GRIK3: variants seen among roughly 807,000 people sequenced by gnomAD.
GRIK3 encodes glutamate ionotropic receptor kainate type subunit 3, also known as glutamate receptor ionotropic, kainate 3.
GRIK3 carries 29 observed loss-of-function variants against 102.5 expected under a neutral mutation model. That is an observed-to-expected ratio of 0.28 (90% confidence interval 0.21 to 0.39). GRIK3 has a LOEUF of 0.39. Ranked by LOEUF, GRIK3 falls within the 10% of genes least tolerant of loss-of-function variation. The pLI, the probability that GRIK3 is intolerant of heterozygous loss-of-function variation, is 1.00. For synonymous variants in GRIK3, 511 were observed against 504.9 expected, an observed-to-expected ratio of 1.01 and a Z score of -0.16; for missense variants, 908 against 1,252.4, an observed-to-expected ratio of 0.73 and a Z score of 4.15.
intron 1 of GRIK3, among the ~76,000 whole-genome samples, chr1:36,899,885 A>T (rs771778034): frequency 2.4e-4 from 36 of 152,332 alleles, no homozygotes; most frequent in Admixed American, 1.8e-3. Context: ...TTTAATGTGT[A>T]TGTGCTCAAA....
intron 1 of GRIK3, among the ~76,000 whole-genome samples, chr1:37,025,933 G>A (rs867468808): frequency 4.6e-5 from 7 of 152,088 alleles, no homozygotes. Context: ...CATCATCTCC[G>A]ATCTGTATGA....
intron 13 of GRIK3, among the ~76,000 whole-genome samples, chr1:36,811,358 T>A (rs1642560430): frequency 6.6e-6 from 1 of 151,404 alleles, no homozygotes; most frequent in Non-Finnish European, 1.5e-5. Flanking sequence ...CTGGGGGGAG[T>A]CTGTAAACTG....
intron 15 of GRIK3, 111 bp downstream of exon 15, chr1:36,804,876 G>A (rs1382394890): frequency 6.0e-6 from 8 of 1,337,320 alleles, no homozygotes; most frequent in South Asian, 5.4e-5. Context: ...TGCAGGGTGA[G>A]CTGTTGTGAG....
In GRIK3 at chr1:36,801,077, T is replaced by G. The variant is rs1642434990; in HGVS notation, c.*774A>C. ...TTCAGGGGGTCCTCTCTCCTCTGGC[T>G]AGAAAGTGGAGAAGAATTTTCTGTG... On this transcript the variant is annotated 3_prime_UTR_variant, in exon 16 of 16. Transcript: ENST00000373091. 1 of 152,226 alleles carries G rather than the reference T, an allele frequency of 6.6e-6. No homozygotes were observed. Among genetic ancestry groups the G allele is most frequent in the Admixed American group, 6.5e-5 (1 of 15,284 alleles). 9.4% of individuals were successfully genotyped at this position (152,226 alleles called of 1,614,324 possible). A position where few individuals can be genotyped will look rare whatever the true frequency, so the allele number is the denominator to read the frequency against.
chr1:36,956,660 G>A (rs1641915834), intron 1 of GRIK3, among the ~76,000 whole-genome samples: 1 of 152,158 alleles, frequency 6.6e-6, no homozygotes. Context: ...AAGGTGAGGG[G>A]AGCACAGAAC....
rs1642096584 is a variant in GRIK3 at position 36,967,863 on chromosome 1, A to G, written c.115+66131T>C. On this transcript the variant is annotated intron_variant, in intron 1 of 15. Transcript: ENST00000373091. ...TGATAATTGAGATAACAGATCTACGATAAATAGTAAGCACTCAATAAATGA... is the reference window on the plus strand; with the variant it reads ...TGATAATTGAGATAACAGATCTACGGTAAATAGTAAGCACTCAATAAATGA... 1.3e-5 allele frequency among the ~76,000 whole-genome samples: 2 copies of G among 152,232 alleles called. 1 individual carries two copies. Among genetic ancestry groups the G allele is most frequent in the South Asian group, 4.1e-4 (2 of 4,830 alleles).
rs1642436838 is a variant in GRIK3 at position 36,801,248 on chromosome 1, C to T, written c.*603G>A. The T allele has an allele frequency of 6.6e-6, 1 of 152,414 alleles. No homozygotes were observed. The highest frequency in any genetic ancestry group is 1.5e-5 in the Non-Finnish European group (1 of 68,168). The allele number at this position is 152,414 out of a possible 1,614,324, so 9.4% of individuals were successfully genotyped here. On this transcript the variant is annotated 3_prime_UTR_variant, in exon 16 of 16. Coordinates refer to ENST00000373091, the MANE Select transcript of GRIK3 (RefSeq NM_000831.4). ...AACTCCTCTTTTCCCCTGTGTAGCT[C>T]TGTCTTCAACTCTGCCAGAACAGGG...
intron 5 of GRIK3, among the ~76,000 whole-genome samples, chr1:36,860,521 G>A (rs559631075): frequency 3.9e-5 from 6 of 152,230 alleles, no homozygotes; most frequent in Middle Eastern, 3.4e-3. Context: ...CTTTTCCCCC[G>A]ATCCCAGCCA....
chr1:36,958,448 G>A (rs1385367323), intron 1 of GRIK3, among the ~76,000 whole-genome samples: 1 of 134,868 alleles, frequency 7.4e-6, no homozygotes, highest in Non-Finnish European at 1.6e-5. Context: ...CCCCGAGTCT[G>A]TGTGCCCTGT....
At chr1:36,981,350 C>A (rs952073563) in intron 1 of GRIK3, among the ~76,000 whole-genome samples, 14 of 152,218 alleles carry the variant, frequency 9.2e-5, no homozygotes, top group Non-Finnish European at 1.8e-4. Flanking sequence ...TCACCCATCA[C>A]CATGCCCCTT....
chr1:36,824,337 AAG>A (rs1288438109), intron 11 of GRIK3, among the ~76,000 whole-genome samples: 1 of 152,182 alleles, frequency 6.6e-6, no homozygotes, highest in Non-Finnish European at 1.5e-5. Flanking sequence ...CTGGCTTTCA[AAG>A]GCTTGTTAGA....
chr1:36,872,052 G>A lies in GRIK3; in HGVS notation c.732+136C>T. On this transcript the variant is annotated intron_variant, in intron 4 of 15. Coordinates refer to ENST00000373091, the MANE Select transcript of GRIK3 (RefSeq NM_000831.4). This position sits in a 1 kb window ranked among gnomAD's most constrained non-coding sequence, Gnocchi z 5.9. ...GGCTCAGAGAGGCAAACCACCCAAG[G>A]TCACACAGCAGGAAAGTGGCAGAGC... 5.0e-6 allele frequency: 4 copies of A among 792,572 alleles called. No homozygotes were observed. Among genetic ancestry groups the A allele is most frequent in the Non-Finnish European group, 7.7e-6 (4 of 516,328 alleles). The allele number at this position is 792,572 out of a possible 1,614,324, so 49.1% of individuals were successfully genotyped here.
At chr1:37,002,182 T>C (rs933868843) in intron 1 of GRIK3, among the ~76,000 whole-genome samples, 1 of 152,248 alleles carries the variant, frequency 6.6e-6, no homozygotes, top group Non-Finnish European at 1.5e-5. Context: ...TTTTGGGGTA[T>C]GATTTACAAA....
chr1:36,853,660 A>C lies in GRIK3; in HGVS notation c.1167T>G (p.Asp389Glu), dbSNP rs763109807. Residue 389 changes from aspartate (D) to glutamate (E), a missense_variant, in exon 8 of 16, where the codon GAT becomes GAG. Physicochemically the swap from Asp to Glu is conservative, Grantham distance 45 (BLOSUM62 2). This residue lies in a region of GRIK3 where 585 missense variants were observed against 824.9 expected (regional missense o/e 0.71). Coordinates refer to ENST00000373091, the MANE Select transcript of GRIK3 (RefSeq NM_000831.4). ...TCAGGCTGATGATGTCCAGATCAAA[A>C]TCCGTCCGCAAGCCACTAGTTTTGT... Reference protein sequence around the residue: ...VFNKTSGLRTDFDLDIISLKE... With the variant: ...VFNKTSGLRTEFDLDIISLKE... 2.5e-6 allele frequency: 4 copies of C among 1,613,762 alleles called. No homozygotes were observed. The highest frequency in any genetic ancestry group is 3.4e-6 in the Non-Finnish European group (4 of 1,179,906).
intron 1 of GRIK3, among the ~76,000 whole-genome samples, chr1:36,908,807 G>GTA (rs1160018556): frequency 3.3e-5 from 5 of 151,642 alleles, no homozygotes; most frequent in Admixed American, 1.3e-4. Context: ...GTGTGTGTGT[G>GTA]TAGGGAGGGG....
intron 2 of GRIK3, among the ~76,000 whole-genome samples, chr1:36,887,960 G>A (rs1214538571): frequency 6.6e-6 from 1 of 151,990 alleles, no homozygotes; most frequent in African/African-American, 2.4e-5. Flanking sequence ...TAGCTGTGGG[G>A]AGTTCAGACT....
At chr1:36,952,438 C>T (rs932321551) in intron 1 of GRIK3, among the ~76,000 whole-genome samples, 9 of 152,222 alleles carry the variant, frequency 5.9e-5, no homozygotes, top group African/African-American at 2.2e-4. Context: ...TCAGTCAAAT[C>T]TGGATGTGAA....
intron 1 of GRIK3, among the ~76,000 whole-genome samples, chr1:36,986,810 A>C (rs1490598091): frequency 6.6e-6 from 1 of 152,210 alleles, no homozygotes; most frequent in Non-Finnish European, 1.5e-5. Flanking sequence ...GGGAGAACAC[A>C]TTCCGACTTA....
Position 36,872,346 on chromosome 1 carries a change from T to G in GRIK3, c.574A>C (p.Ile192Leu). The G allele has an allele frequency of 6.2e-7, 1 of 1,606,916 alleles. No homozygotes were observed. Among genetic ancestry groups the G allele is most frequent in the African/African-American group, 1.3e-5 (1 of 74,868 alleles). The change falls in exon 4 of 16, where the codon ATC (isoleucine) becomes CTC (leucine). Residue 192 changes from isoleucine to leucine, a missense_variant. By Grantham distance (5) the Ile-to-Leu change is conservative. This residue lies in a region of GRIK3 where 585 missense variants were observed against 824.9 expected (regional missense o/e 0.71). Coordinates refer to ENST00000373091, the MANE Select transcript of GRIK3 (RefSeq NM_000831.4). The surrounding 1 kb of genome is among the most constrained non-coding windows in gnomAD (Gnocchi z 5.9). The stretch of plus-strand genomic sequence containing the variant: ...ATGTTGTATCTTGATGGGGCCATGA[T>G]GAGCTCCTGCAGTCGGATGAGCCCT... ...STGLIRLQEL[I>L]MAPSRYNIRL... is the part of the protein sequence containing the mutation.
Sources: gnomAD v4.1 joint callset for allele counts (sites outside exome capture counted in the v4.1 genomes callset) on GRCh38, gnomAD v4.1.1 for gene constraint, gnomAD v4.1.1 regional missense constraint, Gnocchi (gnomAD v3.1) non-coding constraint, MANE v1.5 for transcripts, NCBI Gene and HGNC (gene_info 2026-07-23, HGNC 2026-07-21) for gene names.